The following EXOC6B variants were observed in gnomAD, a reference collection of about 807,000 sequenced individuals.
EXOC6B encodes exocyst complex component 6B, also known as SEC15 homolog B.
EXOC6B carries 54 observed loss-of-function variants against 113.5 expected under a neutral mutation model. The ratio of observed to expected loss-of-function variants is 0.48; its 90% CI spans 0.38 to 0.60. The LOEUF is 0.60. Among genes scored for constraint, EXOC6B ranks in the 20% least tolerant of loss-of-function variants. The pLI is 0.00. For missense variants in EXOC6B, 797 were observed against 977.5 expected (o/e 0.82, Z 2.46); for synonymous variants, 357 against 339.0 (o/e 1.05, Z -0.58).
At chr2:72,674,959 G>A (rs940242572) in intron 6 of EXOC6B, among the ~76,000 whole-genome samples, 1 of 152,214 alleles carries the variant, frequency 6.6e-6, no homozygotes, top group Non-Finnish European at 1.5e-5. Flanking sequence ...GTGTAACAAT[G>A]ATATTTAAAT....
chr2:72,682,263 A>C (rs1325998028), intron 6 of EXOC6B, among the ~76,000 whole-genome samples: 5 of 152,166 alleles, frequency 3.3e-5, no homozygotes, highest in Admixed American at 3.3e-4. Context: ...CCATTTCCTC[A>C]TTCTTCTTAA....
At chr2:72,350,422 A>G (rs963805014) in intron 19 of EXOC6B, among the ~76,000 whole-genome samples, 1 of 152,210 alleles carries the variant, frequency 6.6e-6, no homozygotes, top group Admixed American at 6.5e-5. Context: ...AATTAGATCA[A>G]TATTAACATA....
At chr2:72,794,705 C>T (rs372721050) in intron 1 of EXOC6B, among the ~76,000 whole-genome samples, 1 of 152,122 alleles carries the variant, frequency 6.6e-6, no homozygotes, top group Admixed American at 6.5e-5. Context: ...AATTCATAAA[C>T]CTGCTCAGGA....
chr2:72,232,115 A>G (rs1212751181), intron 20 of EXOC6B, among the ~76,000 whole-genome samples: 1 of 152,072 alleles, frequency 6.6e-6, no homozygotes, highest in Non-Finnish European at 1.5e-5. Context: ...CTGGGACTAC[A>G]GGCGTGCACC....
At chr2:72,548,261 G>A (rs534749268) in intron 8 of EXOC6B, among the ~76,000 whole-genome samples, 35 of 152,198 alleles carry the variant, frequency 2.3e-4, no homozygotes, top group African/African-American at 7.2e-4. Flanking sequence ...GACCATGACC[G>A]AAATCTGACC....
chr2:72,298,820 C>A (rs925036858), intron 20 of EXOC6B, among the ~76,000 whole-genome samples: 1 of 152,178 alleles, frequency 6.6e-6, no homozygotes, highest in Non-Finnish European at 1.5e-5. Flanking sequence ...CCCCTACTCT[C>A]TTCTGGCTTG....
At chr2:72,813,345 C>T (rs963673246) in intron 1 of EXOC6B, among the ~76,000 whole-genome samples, 2 of 152,172 alleles carry the variant, frequency 1.3e-5, no homozygotes, top group African/African-American at 4.8e-5. Flanking sequence ...TGCTCAGCCT[C>T]CCAAAGTGCT....
chr2:72,495,723 C>T (rs1700000004), intron 14 of EXOC6B, among the ~76,000 whole-genome samples, 184 bp from the exon 15 acceptor site: 1 of 152,040 alleles, frequency 6.6e-6, no homozygotes, highest in Non-Finnish European at 1.5e-5. Flanking sequence ...TTAAATAAAA[C>T]AATAATTCAA....
intron 6 of EXOC6B, among the ~76,000 whole-genome samples, chr2:72,661,815 A>G (rs1174647327): frequency 6.6e-6 from 1 of 152,136 alleles, no homozygotes; most frequent in Non-Finnish European, 1.5e-5. Context: ...TTTTAAAGCT[A>G]CAGTAATCAA....
intron 20 of EXOC6B, among the ~76,000 whole-genome samples, chr2:72,273,083 T>C (rs990064697): frequency 5.3e-5 from 8 of 152,120 alleles, no homozygotes; most frequent in African/African-American, 1.7e-4. Flanking sequence ...AATAATCACT[T>C]CCACTCAAAC....
chr2:72,371,906 G>T (rs1257683988), intron 19 of EXOC6B, among the ~76,000 whole-genome samples: 1 of 152,078 alleles, frequency 6.6e-6, no homozygotes, highest in Non-Finnish European at 1.5e-5. Flanking sequence ...GTTTGCAGAT[G>T]ATATTATATT....
At chr2:72,639,488 C>A (rs1036886811) in intron 6 of EXOC6B, among the ~76,000 whole-genome samples, 2 of 152,210 alleles carry the variant, frequency 1.3e-5, no homozygotes, top group African/African-American at 4.8e-5. Context: ...GAGGCAGACA[C>A]CCTGGCACCC....
At chr2:72,813,827 G>A (rs927876265) in intron 1 of EXOC6B, among the ~76,000 whole-genome samples, 2 of 152,142 alleles carry the variant, frequency 1.3e-5, no homozygotes, top group Non-Finnish European at 2.9e-5. Context: ...GGTTTGCACT[G>A]TGATGATTCT....
chr2:72,370,525 G>A (rs997739938), intron 19 of EXOC6B, among the ~76,000 whole-genome samples: 2 of 152,098 alleles, frequency 1.3e-5, no homozygotes, highest in Non-Finnish European at 2.9e-5. Flanking sequence ...TATACCCAAA[G>A]GAATATAAAT....
chr2:72,759,846 T>C (rs1215340339), intron 1 of EXOC6B, among the ~76,000 whole-genome samples: 1 of 152,200 alleles, frequency 6.6e-6, no homozygotes, highest in Non-Finnish European at 1.5e-5. Context: ...CTTAAGCCAA[T>C]ATTCAGCCCC....
chr2:72,196,330 C>T (rs1364628222), intron 20 of EXOC6B, among the ~76,000 whole-genome samples: 3 of 151,946 alleles, frequency 2.0e-5, no homozygotes, highest in Non-Finnish European at 4.4e-5. Context: ...ATTAAGGGAT[C>T]GTAAAGCAGG....
At chr2:72,200,523 G>A (rs7559898) in intron 20 of EXOC6B, among the ~76,000 whole-genome samples, 1 of 152,182 alleles carries the variant, frequency 6.6e-6, no homozygotes, top group African/African-American at 2.4e-5. Context: ...CTATGGTATA[G>A]AGAGTAGTTC....
chr2:72,636,349 GAAGGAAGGAAGGAAGGAAGGAAGC>G (rs1165459857), intron 6 of EXOC6B, among the ~76,000 whole-genome samples: 17 of 125,036 alleles, frequency 1.4e-4, no homozygotes, highest in African/African-American at 5.8e-4. Context: ...AGGAAGGAAG[GAAGGAAGGAAGGAAGGAAGGAAGC>G]AAGGAAGCAA....
Position 72,825,921 on chromosome 2 carries a change from C to A in EXOC6B, c.-11G>T. 5.0e-6 allele frequency: 8 copies of A among 1,610,864 alleles called. No individual in the cohort carries two copies. The highest frequency in any genetic ancestry group is 5.9e-6 in the Non-Finnish European group (7 of 1,179,168). The stretch of plus-strand genomic sequence containing the variant: ...CTTACCCCGCTCCATAGACTGGGGG[C>A]GCCCCGCAGCGCGTCCCCTCCGTCG... On this transcript the variant is annotated 5_prime_UTR_variant, in exon 1 of 22. Coordinates refer to ENST00000272427, the MANE Select transcript of EXOC6B (RefSeq NM_015189.3). The surrounding 1 kb of genome is among the most constrained non-coding windows in gnomAD (Gnocchi z 4.4).
Sources: allele counts gnomAD v4.1 joint callset (sites outside exome capture counted in the v4.1 genomes callset), GRCh38; gene constraint gnomAD v4.1.1; non-coding constraint Gnocchi (gnomAD v3.1); transcripts MANE v1.5; gene names NCBI Gene and HGNC (gene_info 2026-07-23, HGNC 2026-07-21).